RAMP3: variants seen among roughly 807,000 people sequenced by gnomAD.
RAMP3 encodes receptor activity-modifying protein 3.
RAMP3 carries 14 observed loss-of-function variants against 13.5 expected under a neutral mutation model. That is an observed-to-expected ratio of 1.04 (90% CI 0.69 to 1.63). The LOEUF is 1.63. Among genes scored for constraint, RAMP3 ranks in the 40% most tolerant of loss-of-function variants. The pLI is 0.00. For missense variants in RAMP3, 200 were observed against 204.8 expected (o/e 0.98, Z 0.14); for synonymous variants, 106 against 88.3 (o/e 1.20, Z -1.12).
chr7:45,167,700 C>G (rs1785995849), intron 1 of RAMP3, among the ~76,000 whole-genome samples: 1 of 151,924 alleles, frequency 6.6e-6, no homozygotes, highest in African/African-American at 2.4e-5. Context: ...GAAGCCTCTC[C>G]TGAGGCTTCC....
rs1319773889 is a variant in RAMP3, at chr7:45,184,083, G to A, written c.*671G>A. 11 of 400,486 alleles carry A rather than the reference G, an allele frequency of 2.7e-5. No homozygotes were observed. In the Admixed American group the frequency reaches 3.0e-4, roughly 11 times the overall value. The allele number at this position is 400,486 out of a possible 1,614,324, so 24.8% of individuals were successfully genotyped here. On this transcript the variant is annotated 3_prime_UTR_variant, in exon 3 of 3. Coordinates refer to ENST00000242249, the MANE Select transcript of RAMP3 (RefSeq NM_005856.3). ...CATGACCAGAGGCTGGAGTGGGGGTGTGTTAGAGCCCCTCACCGGGACTTG... is the reference window on the plus strand; with the variant it reads ...CATGACCAGAGGCTGGAGTGGGGGTATGTTAGAGCCCCTCACCGGGACTTG...
intron 1 of RAMP3, among the ~76,000 whole-genome samples, chr7:45,174,625 C>T (rs1210969889): frequency 6.6e-6 from 1 of 152,178 alleles, no homozygotes; most frequent in Non-Finnish European, 1.5e-5. Flanking sequence ...CCCTTCCCGC[C>T]ACTGACATCG....
In RAMP3 at chr7:45,157,886, G is replaced by A; in HGVS notation, c.58G>A (p.Gly20Ser). Residue 20 changes from glycine (G) to serine (S), a missense_variant and splice_region_variant, in exon 1 of 3, where the codon GGT becomes AGT. Transcript: ENST00000242249. ...QLLPLLLLLC[G>S]GCPRAGGCNE... ...TCTCCCGTTGCTGCTGCTGCTCTGC[G>A]GTAAGGGGGCGACGGCCCGCACCGG... The A allele has an allele frequency of 2.9e-6, 4 of 1,380,786 alleles. No individual in the cohort carries two copies. Among genetic ancestry groups the A allele is most frequent in the Non-Finnish European group, 3.7e-6 (4 of 1,074,840 alleles). The allele number at this position is 1,380,786 out of a possible 1,614,324, so 85.5% of individuals were successfully genotyped here.
chr7:45,164,511 G>A (rs781010733), intron 1 of RAMP3, among the ~76,000 whole-genome samples: 34 of 151,914 alleles, frequency 2.2e-4, no homozygotes, highest in African/African-American at 4.8e-4. Context: ...CTCCAGCCTC[G>A]GTGACAGAGT....
chr7:45,175,770 G>A (rs547090593), intron 1 of RAMP3, among the ~76,000 whole-genome samples: 2 of 152,218 alleles, frequency 1.3e-5, no homozygotes, highest in South Asian at 2.1e-4. Flanking sequence ...CCTTCCTTTG[G>A]CCTTAGACAA....
intron 1 of RAMP3, 27 bp from the exon 2 acceptor site, chr7:45,177,282 G>C: frequency 6.2e-7 from 1 of 1,613,736 alleles, no homozygotes; most frequent in Non-Finnish European, 8.5e-7. Flanking sequence ...AACTGTAGTG[G>C]AATTCTTATG....
At chr7:45,164,568 T>C (rs1785922698) in intron 1 of RAMP3, among the ~76,000 whole-genome samples, 1 of 152,196 alleles carries the variant, frequency 6.6e-6, no homozygotes, top group African/African-American at 2.4e-5. Context: ...CAATTATAAT[T>C]GTGAAATTGT....
intron 1 of RAMP3, chr7:45,163,110 A>T: frequency 1.0e-6 from 1 of 964,680 alleles, no homozygotes; most frequent in Non-Finnish European, 1.2e-6. Context: ...GGTTTTAACA[A>T]ACATGAATTA....
intron 1 of RAMP3, among the ~76,000 whole-genome samples, chr7:45,164,910 A>G (rs988380487): frequency 2.0e-5 from 3 of 152,100 alleles, no homozygotes. Context: ...CTTATTTGAC[A>G]ATCTTTGCTT....
intron 1 of RAMP3, among the ~76,000 whole-genome samples, chr7:45,158,353 G>T (rs910404904): frequency 6.6e-6 from 1 of 152,172 alleles, no homozygotes; most frequent in Non-Finnish European, 1.5e-5. Context: ...TGGGTAGCTG[G>T]TCCTCCCAGG....
chr7:45,173,075 A>G (rs929901606), intron 1 of RAMP3, among the ~76,000 whole-genome samples: 5 of 151,748 alleles, frequency 3.3e-5, no homozygotes, highest in African/African-American at 4.8e-5. Context: ...GCCTTTATCC[A>G]CCCCCAGTTT....
In RAMP3 at chr7:45,183,500, C is replaced by A. The variant is rs369966423; in HGVS notation, c.*88C>A. The A allele has an allele frequency of 1.9e-6, 3 of 1,550,568 alleles. No individual in the cohort carries two copies. The South Asian group carries it at 3.5e-5, about 18-fold the overall frequency. On this transcript the variant is annotated 3_prime_UTR_variant, in exon 3 of 3. Coordinates refer to ENST00000242249, the MANE Select transcript of RAMP3 (RefSeq NM_005856.3). ...GAGAGCGGGTGGGTGCTGCCAATCT[C>A]CAGCTACTGTGGCCACACCCCACCT...
intron 1 of RAMP3, among the ~76,000 whole-genome samples, chr7:45,167,750 G>C (rs56102636): frequency 0.26 from 39,705 of 151,320 alleles, 6,276 homozygotes; most frequent in African/African-American, 0.44. Flanking sequence ...CCACGCCCGG[G>C]TAATTTTGTA....
chr7:45,183,574 C>A lies in RAMP3; in HGVS notation c.*162C>A, dbSNP rs1786364637. The A allele has an allele frequency of 1.0e-6, 1 of 995,060 alleles. No individual in the cohort carries two copies. Among genetic ancestry groups the A allele is most frequent in the Non-Finnish European group, 1.5e-6 (1 of 680,052 alleles). The allele number at this position is 995,060 out of a possible 1,614,324, so 61.6% of individuals were successfully genotyped here. A position where few individuals can be genotyped will look rare whatever the true frequency, so the allele number is the denominator to read the frequency against. ...CCTGGGCTGACCTGCTCCCTCGAGG[C>A]CAGCCTGCTCCCTGGCTGAGGCTCA... On this transcript the variant is annotated 3_prime_UTR_variant, in exon 3 of 3. Transcript: ENST00000242249.
intron 1 of RAMP3, among the ~76,000 whole-genome samples, chr7:45,174,291 T>C (rs147817961): frequency 7.8e-4 from 118 of 152,194 alleles, no homozygotes; most frequent in Non-Finnish European, 8.4e-4. Context: ...CTGGGACAGA[T>C]GACAGGGGCC....
At chr7:45,171,174 G>GTTTT in intron 1 of RAMP3, among the ~76,000 whole-genome samples, 1 of 137,558 alleles carries the variant, frequency 7.3e-6, no homozygotes, top group Non-Finnish European at 1.6e-5. Context: ...TTTTTTTTTC[G>GTTTT]AGACAGAGTT....
At chr7:45,164,158 C>T (rs780988231) in intron 1 of RAMP3, among the ~76,000 whole-genome samples, 1 of 152,204 alleles carries the variant, frequency 6.6e-6, no homozygotes, top group Non-Finnish European at 1.5e-5. Flanking sequence ...GTGCTCCTGC[C>T]TGTGCCCTGG....
Position 45,183,870 on chromosome 7 carries a change from C to T in RAMP3, c.*458C>T. 2.3e-6 allele frequency: 1 copy of T among 432,228 alleles called. No homozygotes were observed. Among genetic ancestry groups the T allele is most frequent in the South Asian group, 9.5e-5 (1 of 10,544 alleles). 26.8% of individuals were successfully genotyped at this position (432,228 alleles called of 1,614,324 possible). Reference sequence around the variant, plus strand: ...CTCCTGCACCAGCCCCAGCTCCTGCCTACATCCAGGCAGAAAGATAGGCAG... The same window carrying T: ...CTCCTGCACCAGCCCCAGCTCCTGCTTACATCCAGGCAGAAAGATAGGCAG... On this transcript the variant is annotated 3_prime_UTR_variant, in exon 3 of 3. Coordinates refer to ENST00000242249, the MANE Select transcript of RAMP3 (RefSeq NM_005856.3).
At chr7:45,180,170 G>A (rs1786275606) in intron 2 of RAMP3, among the ~76,000 whole-genome samples, 1 of 152,262 alleles carries the variant, frequency 6.6e-6, no homozygotes, top group African/African-American at 2.4e-5. Context: ...ATGAGATTTG[G>A]GGAGCGGAGC....
Sources: allele counts gnomAD v4.1 joint callset (sites outside exome capture counted in the v4.1 genomes callset), GRCh38; gene constraint gnomAD v4.1.1; transcripts MANE v1.5; gene names NCBI Gene and HGNC (gene_info 2026-07-23, HGNC 2026-07-21).